HAL: variants seen among roughly 807,000 people sequenced by gnomAD.
The protein encoded by HAL is histidase.
A neutral mutation model predicts 81.1 loss-of-function variants in HAL; 85 were observed. That is an observed-to-expected ratio of 1.05 (90% CI 0.88 to 1.25). HAL has a LOEUF of 1.25. Among genes scored for constraint, HAL ranks in the 50% most tolerant of loss-of-function variants. HAL has a pLI of 0.00. For synonymous variants in HAL, 301 were observed against 309.2 expected, an observed-to-expected ratio of 0.97 and a Z score of 0.28; for missense variants, 798 against 836.6, an observed-to-expected ratio of 0.95 and a Z score of 0.57.
Position 95,980,841 on chromosome 12 carries a change from T to C in HAL, c.1310A>G (p.Glu437Gly). Residue 437 changes from glutamate to glycine, a missense_variant, in exon 16 of 21, where the codon GAG becomes GGG. Physicochemically the swap from Glu to Gly is moderately conservative, Grantham distance 98. Coordinates refer to ENST00000261208, the MANE Select transcript of HAL (RefSeq NM_002108.4). Reference protein sequence around the residue: ...DNPMVFANRGETVSGGNFHGE... With the variant: ...DNPMVFANRGGTVSGGNFHGE... ...ATGGAAGTTTCCTCCAGAAACTGTC[T>C]CTCCCCTATTGGCAAAGACCATCTT... 6.3e-7 allele frequency: 1 copy of C among 1,580,186 alleles called. No homozygotes were observed. Among genetic ancestry groups the C allele is most frequent in the Non-Finnish European group, 8.7e-7 (1 of 1,149,578 alleles).
chr12:95,977,703 T>C (rs2080739092), intron 18 of HAL, among the ~76,000 whole-genome samples: 1 of 150,664 alleles, frequency 6.6e-6, no homozygotes, highest in African/African-American at 2.4e-5. Context: ...TAGTTCTGCA[T>C]GGTTCCTTGG....
intron 20 of HAL, among the ~76,000 whole-genome samples, chr12:95,975,121 A>G (rs1180802092): frequency 6.6e-6 from 1 of 152,194 alleles, no homozygotes; most frequent in African/African-American, 2.4e-5. Context: ...TTTCCATGCC[A>G]CAGGTGCTCT....
At position 95,995,791 on chromosome 12, in the gene HAL, G is replaced by A. The variant is rs1320636924; in HGVS notation, c.120C>T (p.Pro40=). The change falls in exon 2 of 21, where the codon CCC becomes CCT. Residue 40 remains proline, a synonymous_variant. Transcript: ENST00000261208. ...EAVRRYIKNK[P]DNGGFTSVDD... The stretch of plus-strand genomic sequence containing the variant: ...CCACGGAGGTGAAGCCACCATTGTC[G>A]GGCTTATTCTTGATATAGCGCCTCA... 15 of 1,613,368 alleles carry A rather than the reference G, an allele frequency of 9.3e-6. No individual in the cohort carries two copies. Among genetic ancestry groups the A allele is most frequent in the African/African-American group, 1.3e-5 (1 of 74,940 alleles).
chr12:95,993,106 T>C (rs1365397840), intron 8 of HAL, among the ~76,000 whole-genome samples: 3 of 152,172 alleles, frequency 2.0e-5, no homozygotes, highest in East Asian at 1.9e-4. Context: ...GCACAACTTC[T>C]TTACCATCTG....
Position 95,994,117 on chromosome 12 carries a change from G to A in HAL, c.384C>T (p.Asn128=). Reference sequence around the variant, plus strand: ...TTATTTTGTAGCGTCCCTTTCCCAAGTTGACCAGATCCTCCGTGGTCAGAC... The same window carrying A: ...TTATTTTGTAGCGTCCCTTTCCCAAATTGACCAGATCCTCCGTGGTCAGAC... ...GDRLTTEDLV[N]LGKGRYKIKL... is the part of the protein sequence containing the mutation. The change falls in exon 5 of 21, where the codon AAC becomes AAT. Residue 128 remains asparagine, a synonymous_variant. Coordinates refer to ENST00000261208, the MANE Select transcript of HAL (RefSeq NM_002108.4). The A allele has an allele frequency of 1.2e-6, 2 of 1,613,512 alleles. No homozygotes were observed. The highest frequency in any genetic ancestry group is 1.7e-6 in the Non-Finnish European group (2 of 1,179,510).
At position 95,982,689 on chromosome 12, in the gene HAL, A is replaced by G. The variant is rs139284719; in HGVS notation, c.1287+1222T>C. Among the ~76,000 whole-genome samples, 54 of 152,362 alleles carry G rather than the reference A, an allele frequency of 3.5e-4. No individual in the cohort carries two copies. In the East Asian group the frequency reaches 7.7e-3, roughly 22 times the overall value. ...TTCTGAAGTAAGCTTGTCAAAAAACACATACATACAAAAGCCATCTCATGG... is the reference window on the plus strand; with the variant it reads ...TTCTGAAGTAAGCTTGTCAAAAAACGCATACATACAAAAGCCATCTCATGG... On this transcript the variant is annotated intron_variant, in intron 15 of 20. Transcript: ENST00000261208.
chr12:95,974,488 C>G, intron 20 of HAL, 116 bp from the exon 21 acceptor site: 2 of 906,416 alleles, frequency 2.2e-6, no homozygotes, highest in Non-Finnish European at 3.6e-6. Context: ...GACACAGCTG[C>G]TGTTTGCTTG....
chr12:95,977,816 G>A, intron 18 of HAL, 128 bp downstream of exon 18: 2 of 944,724 alleles, frequency 2.1e-6, no homozygotes, highest in Admixed American at 3.7e-5. Flanking sequence ...CTGCAAGGAG[G>A]CCTGAGAGTC....
In HAL at chr12:95,978,064, C is replaced by A. The variant is rs752472199; in HGVS notation, c.1534G>T (p.Ala512Ser). The A allele has an allele frequency of 1.9e-6, 3 of 1,613,748 alleles. No homozygotes were observed. Among genetic ancestry groups the A allele is most frequent in the Non-Finnish European group, 2.5e-6 (3 of 1,179,738 alleles). ...TAAALVSENK[A>S]LCHPSSVDSL... ...TCAACAGACGAGGGATGGCACAGAG[C>A]CTTGTTCTCAGAAACTGCAAGAGAC... The change falls in exon 18 of 21, where the codon GCT becomes TCT. Residue 512 changes from alanine to serine, a missense_variant. Coordinates refer to ENST00000261208, the MANE Select transcript of HAL (RefSeq NM_002108.4).
At chr12:95,986,381 C>T (rs180804436) in intron 12 of HAL, among the ~76,000 whole-genome samples, 1 of 152,226 alleles carries the variant, frequency 6.6e-6, no homozygotes, top group Admixed American at 6.5e-5. Context: ...TCAGGACCAT[C>T]TACGGTGCTG....
At chr12:95,989,275 TC>T (rs1054565961) in intron 10 of HAL, among the ~76,000 whole-genome samples, 2 of 152,228 alleles carry the variant, frequency 1.3e-5, no homozygotes, top group African/African-American at 4.8e-5. Context: ...AGCCTTGAAC[TC>T]CTGGGCTCAA....
At chr12:95,992,852 T>C (rs76668867) in intron 8 of HAL, 47 bp from the exon 9 acceptor site, 190,334 of 1,588,680 alleles carry the variant, frequency 0.12, 13,637 homozygotes, top group East Asian at 0.33. Flanking sequence ...AAACTCCTTT[T>C]TGTCTCCTGA....
chr12:95,995,295 C>T (rs541198175), intron 2 of HAL: 7 of 566,048 alleles, frequency 1.2e-5, no homozygotes, highest in South Asian at 6.1e-5. Flanking sequence ...TGCCGGCCTC[C>T]AGTCTGGGGG....
intron 11 of HAL, among the ~76,000 whole-genome samples, chr12:95,987,904 G>GT (rs1565991346): frequency 6.7e-6 from 1 of 150,178 alleles, no homozygotes; most frequent in African/African-American, 2.5e-5. Flanking sequence ...GGGCGGGGGG[G>GT]GCGGGTAGAG....
Position 95,993,480 on chromosome 12 carries a change from T to G in HAL, c.560A>C (p.Gln187Pro). 1 of 1,599,784 alleles carries G rather than the reference T, an allele frequency of 6.3e-7. No individual in the cohort carries two copies. Among genetic ancestry groups the G allele is most frequent in the Non-Finnish European group, 8.6e-7 (1 of 1,166,842 alleles). Residue 187 changes from glutamine to proline, a missense_variant, in exon 8 of 21, where the codon CAG becomes CCG. Coordinates refer to ENST00000261208, the MANE Select transcript of HAL (RefSeq NM_002108.4). ...VIPINKLQEL[Q>P]VNLVRSHSSG... ...AGAATGTGAGCGTACTAAGTTGACC[T>G]GAAGCTCCCTGCAACAGAAAGGTAA... is the stretch of plus-strand genomic sequence containing the variant.
intron 10 of HAL, among the ~76,000 whole-genome samples, chr12:95,989,363 G>A (rs1401221788): frequency 6.6e-6 from 1 of 152,190 alleles, no homozygotes; most frequent in Non-Finnish European, 1.5e-5. Context: ...ATTATTTTAT[G>A]TAGAGGCGGA....
intron 10 of HAL, chr12:95,989,913 TCAGA>T (rs1354737017): frequency 9.1e-6 from 2 of 219,592 alleles, no homozygotes; most frequent in Non-Finnish European, 1.8e-5. Context: ...GTAATGAAAT[TCAGA>T]CACAGATGAA....
At chr12:95,992,555 T>G in intron 9 of HAL, 125 bp downstream of exon 9, 1 of 883,856 alleles carries the variant, frequency 1.1e-6, no homozygotes, top group Non-Finnish European at 1.8e-6. Flanking sequence ...GCCAACGGCA[T>G]TTCCCACTCA....
In HAL at chr12:95,974,092, T is replaced by C; in HGVS notation, c.*140A>G. ...AGCAACTATAATACTGCCATCAGCC[T>C]AACCAACGTAGGCTTTAGAAGAACT... On this transcript the variant is annotated 3_prime_UTR_variant, in exon 21 of 21. Coordinates refer to ENST00000261208, the MANE Select transcript of HAL (RefSeq NM_002108.4). 1 of 820,190 alleles carries C rather than the reference T, an allele frequency of 1.2e-6. No individual in the cohort carries two copies. Among genetic ancestry groups the C allele is most frequent in the Non-Finnish European group, 2.1e-6 (1 of 465,632 alleles). The allele number at this position is 820,190 out of a possible 1,614,324, so 50.8% of individuals were successfully genotyped here.
Sources: gnomAD v4.1 joint callset for allele counts (sites outside exome capture counted in the v4.1 genomes callset) on GRCh38, gnomAD v4.1.1 for gene constraint, MANE v1.5 for transcripts, NCBI Gene and HGNC (gene_info 2026-07-23, HGNC 2026-07-21) for gene names.